ARMH1: variants seen among roughly 807,000 people sequenced by gnomAD.
The protein encoded by ARMH1 is armadillo like helical domain containing 1, also known as armadillo-like helical domain containing protein 1.
Under a neutral mutation model 50.2 loss-of-function variants are expected in ARMH1, and 34 were observed. The ratio of observed to expected loss-of-function variants is 0.68; its 90% CI spans 0.51 to 0.90. The LOEUF (loss-of-function observed/expected upper bound fraction) is 0.90, where lower values mean the gene tolerates loss of function less well. Ranked by LOEUF, ARMH1 falls within the 40% of genes least tolerant of loss-of-function variation. ARMH1 has a pLI of 0.00. For synonymous variants in ARMH1, 221 were observed against 224.2 expected (o/e 0.99, Z 0.13); for missense variants, 538 against 553.9 (o/e 0.97, Z 0.29).
chr1:44,706,739 A>G (rs528518586), intron 6 of ARMH1, among the ~76,000 whole-genome samples: 1 of 152,216 alleles, frequency 6.6e-6, no homozygotes, highest in Admixed American at 6.5e-5. Flanking sequence ...TAGCAGCTGG[A>G]GCAGAGTGTC....
chr1:44,686,415 C>A (rs930367110), intron 1 of ARMH1, among the ~76,000 whole-genome samples: 1 of 152,250 alleles, frequency 6.6e-6, no homozygotes, highest in African/African-American at 2.4e-5. Context: ...GTGGCTCACG[C>A]CTGTAATCCC....
At chr1:44,721,647 T>G (rs928631076) in intron 6 of ARMH1, 1 of 152,224 alleles carries the variant, frequency 6.6e-6, no homozygotes, top group Non-Finnish European at 1.5e-5. Context: ...GAGGATTGCT[T>G]GAGCATGGGA....
intron 10 of ARMH1, 34 bp from the exon 11 acceptor site, chr1:44,725,102 A>G: frequency 6.4e-7 from 1 of 1,551,168 alleles, no homozygotes; most frequent in Non-Finnish European, 8.7e-7. Context: ...CTGCCCTGGC[A>G]CCCCAGCCGG....
At position 44,689,852 on chromosome 1, in the gene ARMH1, CCCAGGGAG is replaced by C; in HGVS notation, c.160_167del (p.Gly54PhefsTer11). 1 of 1,551,428 alleles carries C rather than the reference CCCAGGGAG, an allele frequency of 6.4e-7. No homozygotes were observed. The highest frequency in any genetic ancestry group is 8.7e-7 in the Non-Finnish European group (1 of 1,146,984). On this transcript the variant is annotated frameshift_variant, in exon 2 of 12. Transcript: ENST00000535358. LOFTEE classifies it high-confidence loss of function. ...GCCCCTGAACTGGAGCAGGAGTTTT[CCCAGGGAG>C]CCAGTTTGTTCCTGGTACGCTTGAC... is the stretch of plus-strand genomic sequence containing the variant.
chr1:44,721,721 CTACCCCAACCTCCCAAAGCATGAAA>C (rs1254953232), intron 6 of ARMH1: 2 of 152,086 alleles, frequency 1.3e-5, no homozygotes, highest in South Asian at 2.1e-4. Flanking sequence ...ATTTGTGGAG[CTACCCCAACCTCCCAAAGCATGAAA>C]CACCCCACCC....
Position 44,725,343 on chromosome 1 carries a change from C to G in ARMH1, c.1263C>G (p.Arg421=). The change falls in exon 12 of 12, where the codon CGC becomes CGG. Residue 421 remains arginine (R), a synonymous_variant. Transcript: ENST00000535358. Reference sequence around the variant, plus strand: ...GCATGAACACTCTCTATGGCTCGCGCGATTCGGCTCAGATGGCCTACCTCA... The same window carrying G: ...GCATGAACACTCTCTATGGCTCGCGGGATTCGGCTCAGATGGCCTACCTCA... ...SYSMNTLYGS[R]DSAQMAYLTH... is the part of the protein sequence containing the mutation. The G allele has an allele frequency of 6.4e-7, 1 of 1,551,702 alleles. No homozygotes were observed. The highest frequency in any genetic ancestry group is 1.2e-5 in the South Asian group (1 of 84,066).
In ARMH1 at chr1:44,681,871, G is replaced by T. The variant is rs527603525; in HGVS notation, c.-23+6998G>T. 6.6e-6 allele frequency among the ~76,000 whole-genome samples: 1 copy of T among 152,320 alleles called. No homozygotes were observed. The highest frequency in any genetic ancestry group is 1.9e-4 in the East Asian group (1 of 5,180). ...GGTGTGGGTTTTGGGTATGAAAGCT[G>T]TGTTGGTTGGAGGTGAAAGCGGGAG... is the stretch of plus-strand genomic sequence containing the variant. On this transcript the variant is annotated intron_variant, in intron 1 of 11. Coordinates refer to ENST00000535358, the MANE Select transcript of ARMH1 (RefSeq NM_001145636.2). This position sits in a 1 kb window ranked among gnomAD's most constrained non-coding sequence, Gnocchi z 4.3.
At chr1:44,698,337 A>G in intron 4 of ARMH1, 108 bp downstream of exon 4, 1 of 1,024,640 alleles carries the variant, frequency 9.8e-7, no homozygotes, top group Non-Finnish European at 1.3e-6. Context: ...GTTGAACAGG[A>G]AGCTTTTTGT....
intron 6 of ARMH1, among the ~76,000 whole-genome samples, chr1:44,706,563 A>C (rs1646353282): frequency 6.6e-6 from 1 of 152,312 alleles, no homozygotes; most frequent in Admixed American, 6.5e-5. Context: ...AAAGCTCTGG[A>C]GGCCACTTCC....
chr1:44,710,485 T>C (rs1038566497), intron 6 of ARMH1, among the ~76,000 whole-genome samples: 4 of 151,356 alleles, frequency 2.6e-5, no homozygotes, highest in Non-Finnish European at 5.9e-5. Flanking sequence ...GGTGGGCGCC[T>C]GTAGTCTCAG....
At chr1:44,701,256 T>A in intron 5 of ARMH1, 137 bp downstream of exon 5, 1 of 875,946 alleles carries the variant, frequency 1.1e-6, no homozygotes, top group Non-Finnish European at 1.7e-6. Flanking sequence ...CAATCAGCGT[T>A]ACTTCCAGAA....
At position 44,725,459 on chromosome 1, in the gene ARMH1, G is replaced by C; in HGVS notation, c.*56G>C. 6.6e-7 allele frequency: 1 copy of C among 1,522,388 alleles called. No individual in the cohort carries two copies. The allele number at this position is 1,522,388 out of a possible 1,614,324, so 94.3% of individuals were successfully genotyped here. ...GCTGCGGGGCAGGGAAGCCTGGCAA[G>C]AGGAAGGCGCCTGGGGTCAAGCTCA... On this transcript the variant is annotated 3_prime_UTR_variant, in exon 12 of 12. Transcript: ENST00000535358.
At chr1:44,708,947 C>G (rs1475883020) in intron 6 of ARMH1, among the ~76,000 whole-genome samples, 1 of 152,122 alleles carries the variant, frequency 6.6e-6, no homozygotes, top group African/African-American at 2.4e-5. Context: ...CAAATATGCT[C>G]TCTATCTTCC....
chr1:44,721,058 A>C (rs938822178), intron 6 of ARMH1, among the ~76,000 whole-genome samples: 1 of 151,980 alleles, frequency 6.6e-6, no homozygotes, highest in Non-Finnish European at 1.5e-5. Context: ...AAACAAAAAA[A>C]GGGCAAAAGA....
At chr1:44,679,150 G>T (rs1224662527) in intron 1 of ARMH1, among the ~76,000 whole-genome samples, 5 of 152,192 alleles carry the variant, frequency 3.3e-5, no homozygotes, top group African/African-American at 7.2e-5. Flanking sequence ...TCTTAATCTG[G>T]ATTTTTAATT....
At chr1:44,693,356 G>T (rs868205658) in intron 2 of ARMH1, among the ~76,000 whole-genome samples, 2 of 152,188 alleles carry the variant, frequency 1.3e-5, no homozygotes, top group Admixed American at 6.5e-5. Context: ...CTTGGCCACA[G>T]GGTGAGATGA....
intron 2 of ARMH1, among the ~76,000 whole-genome samples, chr1:44,695,881 C>G (rs12022097): frequency 0.46 from 68,992 of 150,648 alleles, 16,602 homozygotes; most frequent in African/African-American, 0.6. Flanking sequence ...GGAGTTCAAG[C>G]CTACAGTGAG....
At chr1:44,721,732 T>A (rs950978426) in intron 6 of ARMH1, 34 of 151,842 alleles carry the variant, frequency 2.2e-4, no homozygotes, top group Admixed American at 5.9e-4. Flanking sequence ...TACCCCAACC[T>A]CCCAAAGCAT....
intron 6 of ARMH1, among the ~76,000 whole-genome samples, chr1:44,705,265 C>T (rs1213991689): frequency 1.3e-5 from 2 of 151,910 alleles, no homozygotes; most frequent in Non-Finnish European, 2.9e-5. Context: ...CCGAGGCAGG[C>T]GGATCACCTG....
Sources: allele counts gnomAD v4.1 joint callset (sites outside exome capture counted in the v4.1 genomes callset), GRCh38; gene constraint gnomAD v4.1.1; non-coding constraint Gnocchi (gnomAD v3.1); transcripts MANE v1.5; gene names NCBI Gene and HGNC (gene_info 2026-07-23, HGNC 2026-07-21).